The following HERC3 variants were observed in gnomAD, a reference collection of about 807,000 sequenced individuals.
HERC3 encodes the protein probable E3 ubiquitin-protein ligase HERC3.
Under a neutral mutation model 129.9 loss-of-function variants are expected in HERC3, and 58 were observed. The observed-to-expected ratio is 0.45, with a 90% CI of 0.36 to 0.56. The LOEUF (loss-of-function observed/expected upper bound fraction) is 0.56, where lower values mean the gene tolerates loss of function less well. Ranked by LOEUF, HERC3 falls within the 20% of genes least tolerant of loss-of-function variation. The pLI is 0.00. For synonymous variants in HERC3, 430 were observed against 451.0 expected (o/e 0.95, Z 0.59); for missense variants, 835 against 1,244.2 (o/e 0.67, Z 4.95).
chr4:88,537,242 T>C, the HERC3 span, among the ~76,000 whole-genome samples: 1 of 152,216 alleles, frequency 6.6e-6, no homozygotes, highest in African/African-American at 2.4e-5. Flanking sequence ...CAAGATCCAA[T>C]CCAGGATGAG....
the HERC3 span, among the ~76,000 whole-genome samples, chr4:88,585,136 A>G: frequency 6.6e-6 from 1 of 152,156 alleles, no homozygotes; most frequent in African/African-American, 2.4e-5. Context: ...AGCTACCTCT[A>G]TAGGGTCTCT....
At chr4:88,663,000 GA>G (rs74872768) in intron 11 of HERC3, among the ~76,000 whole-genome samples, 10,318 of 127,376 alleles carry the variant, frequency 0.081, 866 homozygotes, top group East Asian at 0.31. Context: ...GAGTCATGTA[GA>G]AAAAAAAAAA....
chr4:88,678,238 C>A, intron 19 of HERC3, 104 bp downstream of exon 19: 1 of 981,780 alleles, frequency 1.0e-6, no homozygotes, highest in Non-Finnish European at 1.5e-6. Context: ...TGCAGCCATT[C>A]TTTCATTCAT....
Position 88,652,980 on chromosome 4 carries a change from T to G in HERC3, c.575T>G (p.Leu192Arg). Reference protein sequence around the residue: ...QRVRSLEGIPLAQVAAGGAHS... With the variant: ...QRVRSLEGIPRAQVAAGGAHS... The stretch of plus-strand genomic sequence containing the variant: ...GTGAGGTCCCTGGAGGGGATCCCAC[T>G]GGCTCAGGTGGCTGCCGGAGGGGCT... Residue 192 changes from leucine to arginine, a missense_variant, in exon 6 of 26, where the codon CTG (leucine) becomes CGG (arginine). By Grantham distance (102) the Leu-to-Arg change is moderately radical. Coordinates refer to ENST00000402738, the MANE Select transcript of HERC3 (RefSeq NM_014606.3). 1 of 1,614,214 alleles carries G rather than the reference T, an allele frequency of 6.2e-7. No individual in the cohort carries two copies. The highest frequency in any genetic ancestry group is 8.5e-7 in the Non-Finnish European group (1 of 1,180,034).
chr4:88,636,403 C>G (rs1727404538), intron 3 of HERC3, among the ~76,000 whole-genome samples: 1 of 152,086 alleles, frequency 6.6e-6, no homozygotes, highest in East Asian at 1.9e-4. Context: ...AGACAAAGGG[C>G]ATTACGTAAT....
chr4:88,571,902 A>G, the HERC3 span, among the ~76,000 whole-genome samples: 1 of 152,174 alleles, frequency 6.6e-6, no homozygotes, highest in Non-Finnish European at 1.5e-5. Flanking sequence ...CCTAAAATTC[A>G]TATGTTGCAG....
At chr4:88,617,020 T>A (rs1418054241) in intron 3 of HERC3, among the ~76,000 whole-genome samples, 1 of 151,958 alleles carries the variant, frequency 6.6e-6, no homozygotes. Flanking sequence ...CTATGCCATG[T>A]TTTTTTGGGC....
intron 25 of HERC3, among the ~76,000 whole-genome samples, chr4:88,704,864 T>TTTC (rs1735646559): frequency 9.4e-6 from 1 of 106,102 alleles, no homozygotes; most frequent in African/African-American, 4.5e-5. Context: ...TCTTTCTTTC[T>TTTC]TTTTTTTTTT....
chr4:88,639,404 T>C (rs578189643), intron 3 of HERC3, among the ~76,000 whole-genome samples: 5 of 151,476 alleles, frequency 3.3e-5, no homozygotes, highest in African/African-American at 9.8e-5. Context: ...TTATAGACAA[T>C]GGAACAGAAT....
the HERC3 span, among the ~76,000 whole-genome samples, chr4:88,542,714 C>T: frequency 2.6e-5 from 4 of 152,178 alleles, no homozygotes; most frequent in Admixed American, 1.3e-4. Context: ...CCAAATCCAG[C>T]AGCACAGCAA....
the HERC3 span, among the ~76,000 whole-genome samples, chr4:88,556,313 C>T: frequency 2.6e-5 from 4 of 152,164 alleles, no homozygotes; most frequent in East Asian, 1.9e-4. Flanking sequence ...TTTCTGCAAA[C>T]ATTTGCAATA....
chr4:88,692,536 A>G (rs979706301), intron 23 of HERC3, among the ~76,000 whole-genome samples: 1 of 152,190 alleles, frequency 6.6e-6, no homozygotes, highest in Non-Finnish European at 1.5e-5. Flanking sequence ...GGCAGACTTC[A>G]GTTGATCTTT....
the HERC3 span, among the ~76,000 whole-genome samples, chr4:88,564,873 C>T: frequency 3.3e-5 from 5 of 151,864 alleles, no homozygotes; most frequent in Admixed American, 3.3e-4. Flanking sequence ...TATAAATTTT[C>T]CTCTTAGTAC....
chr4:88,651,128 T>C (rs190249879), intron 4 of HERC3, among the ~76,000 whole-genome samples: 2 of 152,298 alleles, frequency 1.3e-5, no homozygotes, highest in East Asian at 1.9e-4. Flanking sequence ...TGTGTAATAC[T>C]AGGGAAAATG....
intron 19 of HERC3, among the ~76,000 whole-genome samples, chr4:88,679,548 C>T (rs1413116924): frequency 1.5e-3 from 202 of 137,408 alleles, no homozygotes; most frequent in African/African-American, 4.4e-3. Flanking sequence ...GTCGGAGTTT[C>T]GCTCTTTGTT....
chr4:88,678,065 C>G lies in HERC3; in HGVS notation c.2127C>G (p.Asn709Lys). The change falls in exon 19 of 26, where the codon AAC becomes AAG. Residue 709 changes from asparagine to lysine, a missense_variant. By Grantham distance (94) the Asn-to-Lys change is moderately conservative. Coordinates refer to ENST00000402738, the MANE Select transcript of HERC3 (RefSeq NM_014606.3). The stretch of plus-strand genomic sequence containing the variant: ...TCCTGGTCCTTCACGTTCGCAGGAA[C>G]AACCTTGTTGGAGATGCCCTAAGAG... ...SPFLVLHVRR[N>K]NLVGDALREL... 1 of 1,614,060 alleles carries G rather than the reference C, an allele frequency of 6.2e-7. No homozygotes were observed. The highest frequency in any genetic ancestry group is 1.1e-5 in the South Asian group (1 of 91,084).
chr4:88,667,728 G>A (rs1731194356), intron 13 of HERC3, among the ~76,000 whole-genome samples, 164 bp from the exon 14 acceptor site: 1 of 152,106 alleles, frequency 6.6e-6, no homozygotes, highest in Admixed American at 6.6e-5. Flanking sequence ...TTCTTTTCAT[G>A]GATGTGTACT....
intron 3 of HERC3, among the ~76,000 whole-genome samples, chr4:88,640,924 T>G (rs1005864042): frequency 1.3e-5 from 2 of 152,156 alleles, no homozygotes; most frequent in Non-Finnish European, 2.9e-5. Context: ...TAGAACATCA[T>G]CAAGAATATA....
intron 2 of HERC3, among the ~76,000 whole-genome samples, chr4:88,604,471 T>C (rs1723395863): frequency 6.6e-6 from 1 of 152,236 alleles, no homozygotes; most frequent in Non-Finnish European, 1.5e-5. Flanking sequence ...CCTCCAGTCC[T>C]AGGCAGACAC....
Sources: allele counts gnomAD v4.1 joint callset (sites outside exome capture counted in the v4.1 genomes callset), GRCh38; gene constraint gnomAD v4.1.1; transcripts MANE v1.5; gene names NCBI Gene and HGNC (gene_info 2026-07-23, HGNC 2026-07-21).